The following LIN7A variants were observed in gnomAD, a reference collection of about 807,000 sequenced individuals.
LIN7A encodes lin-7 cell polarity scaffold A.
Under a neutral mutation model 29.8 loss-of-function variants are expected in LIN7A, and 25 were observed. The observed-to-expected ratio is 0.84, with a 90% CI of 0.61 to 1.17. The LOEUF is 1.17. LIN7A is among the 50% of genes most tolerant of loss of function. The pLI, the probability that LIN7A is intolerant of heterozygous loss-of-function variation, is 0.00. For synonymous variants in LIN7A, 118 were observed against 107.5 expected (o/e 1.10, Z -0.60); for missense variants, 239 against 287.0 (o/e 0.83, Z 1.21).
chr12:80,801,114 C>T (rs2121484245), intron 5 of LIN7A, among the ~76,000 whole-genome samples: 1 of 148,644 alleles, frequency 6.7e-6, no homozygotes, highest in East Asian at 1.9e-4. Flanking sequence ...ATAGAAATAA[C>T]ATTTCTGGAG....
intron 4 of LIN7A, among the ~76,000 whole-genome samples, chr12:80,815,063 C>T (rs1871468479): frequency 6.6e-6 from 1 of 152,094 alleles, no homozygotes; most frequent in South Asian, 2.1e-4. Context: ...AAACACTCCT[C>T]AACTTTGCTT....
intron 5 of LIN7A, among the ~76,000 whole-genome samples, chr12:80,807,433 C>T (rs1871098913): frequency 6.6e-6 from 1 of 151,962 alleles, no homozygotes. Context: ...TATGGCTGAG[C>T]AAATAATTCT....
At chr12:80,799,182 T>A (rs929931093) in intron 5 of LIN7A, among the ~76,000 whole-genome samples, 1 of 152,226 alleles carries the variant, frequency 6.6e-6, no homozygotes, top group Non-Finnish European at 1.5e-5. Context: ...GCATTCAACA[T>A]GTGGGCCACT....
chr12:80,835,255 T>C (rs911359161), intron 4 of LIN7A, among the ~76,000 whole-genome samples: 3 of 152,184 alleles, frequency 2.0e-5, no homozygotes, highest in Admixed American at 6.5e-5. Context: ...AATAATAATA[T>C]ACAGCAACAA....
intron 1 of LIN7A, among the ~76,000 whole-genome samples, chr12:80,893,126 G>T (rs1189141339): frequency 1.3e-5 from 2 of 152,040 alleles, no homozygotes; most frequent in Admixed American, 1.3e-4. Flanking sequence ...ATTTTTTTAG[G>T]TTTCTTTCAT....
chr12:80,877,953 T>G (rs1240329430), intron 2 of LIN7A, among the ~76,000 whole-genome samples: 1 of 151,980 alleles, frequency 6.6e-6, no homozygotes, highest in African/African-American at 2.4e-5. Context: ...GAAGACAGAA[T>G]GTTCACTCTA....
intron 2 of LIN7A, among the ~76,000 whole-genome samples, chr12:80,888,888 G>T (rs1381971364): frequency 1.3e-5 from 2 of 152,000 alleles, no homozygotes; most frequent in Non-Finnish European, 2.9e-5. Flanking sequence ...ACCTGGGAGA[G>T]AATTAGTTAG....
intron 1 of LIN7A, among the ~76,000 whole-genome samples, chr12:80,903,497 G>T (rs1876326110): frequency 6.6e-6 from 1 of 152,006 alleles, no homozygotes; most frequent in South Asian, 2.1e-4. Flanking sequence ...ATGGCCTCCA[G>T]TTCCATTCAT....
chr12:80,807,747 A>G (rs1287869778), intron 5 of LIN7A, among the ~76,000 whole-genome samples: 2 of 152,208 alleles, frequency 1.3e-5, no homozygotes, highest in African/African-American at 4.8e-5. Flanking sequence ...TTTGGAATGG[A>G]TAACAGAGAA....
intron 4 of LIN7A, among the ~76,000 whole-genome samples, chr12:80,845,150 T>C (rs1266004786): frequency 2.0e-5 from 3 of 148,724 alleles, no homozygotes; most frequent in Non-Finnish European, 4.4e-5. Context: ...GGCAGCAGAA[T>C]GGTGTGAACC....
intron 1 of LIN7A, among the ~76,000 whole-genome samples, chr12:80,928,918 A>C (rs1430380655): frequency 6.6e-6 from 1 of 152,180 alleles, no homozygotes; most frequent in Non-Finnish European, 1.5e-5. Flanking sequence ...TATTATTAAC[A>C]TGATTAATAT....
intron 5 of LIN7A, among the ~76,000 whole-genome samples, chr12:80,804,420 T>C (rs909340556): frequency 4.0e-5 from 6 of 151,118 alleles, no homozygotes; most frequent in African/African-American, 1.2e-4. Context: ...TCTATCTCCA[T>C]GGGCTCAATT....
intron 5 of LIN7A, among the ~76,000 whole-genome samples, chr12:80,799,385 T>G (rs1245695722): frequency 1.3e-5 from 2 of 152,240 alleles, no homozygotes; most frequent in Admixed American, 6.5e-5. Flanking sequence ...CCTCGTCCAC[T>G]AAATGTTAAG....
chr12:80,888,832 C>T (rs1386016739), intron 2 of LIN7A, among the ~76,000 whole-genome samples: 3 of 152,072 alleles, frequency 2.0e-5, no homozygotes, highest in Non-Finnish European at 4.4e-5. Flanking sequence ...TTTCCATTGC[C>T]TTAGACAGTA....
At chr12:80,831,519 T>C (rs995088063) in intron 4 of LIN7A, among the ~76,000 whole-genome samples, 1 of 152,210 alleles carries the variant, frequency 6.6e-6, no homozygotes, top group African/African-American at 2.4e-5. Context: ...AATCCTTTTC[T>C]AGAAGAGTAA....
At chr12:80,862,999 T>C (rs1231095426) in intron 2 of LIN7A, among the ~76,000 whole-genome samples, 1 of 152,240 alleles carries the variant, frequency 6.6e-6, no homozygotes, top group African/African-American at 2.4e-5. Flanking sequence ...TCTCATGTGT[T>C]CTGTTACATT....
chr12:80,892,679 A>C (rs1565918305), intron 1 of LIN7A, among the ~76,000 whole-genome samples: 1 of 152,114 alleles, frequency 6.6e-6, no homozygotes, highest in Non-Finnish European at 1.5e-5. Flanking sequence ...CTGCACATTA[A>C]AATCAACCAG....
At chr12:80,803,684 T>C (rs1169311334) in intron 5 of LIN7A, among the ~76,000 whole-genome samples, 2 of 152,214 alleles carry the variant, frequency 1.3e-5, no homozygotes, top group African/African-American at 4.8e-5. Flanking sequence ...GGAATTTTGA[T>C]AGTAAGAGCA....
chr12:80,837,703 A>G (rs894148598), intron 4 of LIN7A, among the ~76,000 whole-genome samples: 3 of 152,212 alleles, frequency 2.0e-5, no homozygotes, highest in Non-Finnish European at 4.4e-5. Flanking sequence ...AAACTAATAT[A>G]CACATAACGG....
Sources: allele counts gnomAD v4.1 joint callset (sites outside exome capture counted in the v4.1 genomes callset), GRCh38; gene constraint gnomAD v4.1.1; transcripts MANE v1.5; gene names NCBI Gene and HGNC (gene_info 2026-07-23, HGNC 2026-07-21).